KCNMB2: variants seen among roughly 807,000 people sequenced by gnomAD.
KCNMB2 encodes the protein potassium calcium-activated channel subfamily M regulatory beta subunit 2, also known as calcium-activated potassium channel subunit beta-2.
KCNMB2 carries 9 observed loss-of-function variants against 24.5 expected under a neutral mutation model. That is an observed-to-expected ratio of 0.37 (90% CI 0.22 to 0.64). The LOEUF (loss-of-function observed/expected upper bound fraction) is 0.64, where lower values mean the gene tolerates loss of function less well. Among genes scored for constraint, KCNMB2 ranks in the 30% least tolerant of loss-of-function variants. The pLI, the probability that KCNMB2 is intolerant of heterozygous loss-of-function variation, is 0.63. For missense variants in KCNMB2, 226 were observed against 284.3 expected, an observed-to-expected ratio of 0.79 and a Z score of 1.47; for synonymous variants, 109 against 104.4, an observed-to-expected ratio of 1.04 and a Z score of -0.27.
chr3:178,822,601 A>G (rs553420927), intron 2 of KCNMB2, among the ~76,000 whole-genome samples: 1 of 152,260 alleles, frequency 6.6e-6, no homozygotes, highest in South Asian at 2.1e-4. Flanking sequence ...TTCTATAATC[A>G]TTTACTAATG....
chr3:178,833,656 C>A (rs947867842), intron 4 of KCNMB2, among the ~76,000 whole-genome samples: 1 of 152,114 alleles, frequency 6.6e-6, no homozygotes, highest in African/African-American at 2.4e-5. Flanking sequence ...ATACATCAGG[C>A]GCTACTGATA....
intron 1 of KCNMB2, chr3:178,757,225 A>T (rs1724096343): frequency 6.8e-6 from 1 of 147,240 alleles, no homozygotes; most frequent in Non-Finnish European, 1.5e-5. Context: ...TACCAGTGAA[A>T]ATTGTGGTAC....
At chr3:178,582,484 A>C (rs1259935572) in intron 1 of KCNMB2, among the ~76,000 whole-genome samples, 3 of 152,210 alleles carry the variant, frequency 2.0e-5, no homozygotes, top group Non-Finnish European at 4.4e-5. Context: ...CATTCTGCAA[A>C]TGTATCCCAG....
intron 2 of KCNMB2, among the ~76,000 whole-genome samples, chr3:178,818,694 A>T (rs966588138): frequency 3.3e-5 from 5 of 152,168 alleles, no homozygotes; most frequent in Admixed American, 1.3e-4. Flanking sequence ...CTCCATATGT[A>T]AACATTTCTA....
intron 1 of KCNMB2, among the ~76,000 whole-genome samples, chr3:178,554,606 A>C (rs1156372498): frequency 6.6e-6 from 1 of 152,142 alleles, no homozygotes; most frequent in Admixed American, 6.5e-5. Context: ...TCTTTTTAAC[A>C]ATCAATTCTC....
At chr3:178,650,838 G>A (rs986711874) in intron 1 of KCNMB2, among the ~76,000 whole-genome samples, 16 of 152,042 alleles carry the variant, frequency 1.1e-4, no homozygotes, top group African/African-American at 3.6e-4. Flanking sequence ...ATGCAGAAAA[G>A]GCCTTTGATA....
chr3:178,839,868 G>A (rs1715365007), intron 4 of KCNMB2, among the ~76,000 whole-genome samples: 6 of 152,114 alleles, frequency 3.9e-5, no homozygotes, highest in Admixed American at 3.9e-4. Flanking sequence ...ATATCATTCT[G>A]CCCCGGCTCT....
intron 1 of KCNMB2, among the ~76,000 whole-genome samples, chr3:178,760,641 G>T (rs1331193806): frequency 6.6e-6 from 1 of 150,662 alleles, no homozygotes; most frequent in Non-Finnish European, 1.5e-5. Context: ...TCTTTTACAA[G>T]AAGGAAATAA....
chr3:178,781,311 G>C (rs1390173992), intron 1 of KCNMB2, among the ~76,000 whole-genome samples: 1 of 152,152 alleles, frequency 6.6e-6, no homozygotes, highest in South Asian at 2.1e-4. Flanking sequence ...AAGAATATAT[G>C]ACGGGCACGG....
intron 1 of KCNMB2, among the ~76,000 whole-genome samples, chr3:178,629,263 G>GGATTTGTTT (rs1327077366): frequency 1.3e-5 from 2 of 152,008 alleles, no homozygotes; most frequent in African/African-American, 4.8e-5. Context: ...CTACTCATCT[G>GGATTTGTTT]GATTTGTTTG....
chr3:178,797,101 C>T lies in KCNMB2; in HGVS notation c.-67-10242C>T, dbSNP rs374887301. ...TTCAAAGGATCATTAGAGACTACTA[C>T]GAGCAACTATATGGCAATAAATTGG... On this transcript the variant is annotated intron_variant, in intron 1 of 4. Transcript: ENST00000452583. Among the ~76,000 whole-genome samples, 53 of 152,112 alleles carry T rather than the reference C, an allele frequency of 3.5e-4. 1 individual carries two copies. The South Asian group carries it at 0.011, about 30-fold the overall frequency.
At chr3:178,713,629 C>T (rs1354381462) in intron 1 of KCNMB2, among the ~76,000 whole-genome samples, 3 of 152,158 alleles carry the variant, frequency 2.0e-5, no homozygotes, top group Non-Finnish European at 4.4e-5. Flanking sequence ...CTCCACTCTT[C>T]ACCCCACCCC....
intron 1 of KCNMB2, among the ~76,000 whole-genome samples, chr3:178,635,420 C>G (rs931956525): frequency 1.3e-5 from 2 of 151,772 alleles, no homozygotes; most frequent in Non-Finnish European, 2.9e-5. Context: ...CACACACACA[C>G]ACACACACAC....
At chr3:178,578,443 A>T (rs749246237) in intron 1 of KCNMB2, among the ~76,000 whole-genome samples, 1 of 152,248 alleles carries the variant, frequency 6.6e-6, no homozygotes, top group Non-Finnish European at 1.5e-5. Flanking sequence ...TGTAAAGACC[A>T]TTGACACTAT....
intron 1 of KCNMB2, among the ~76,000 whole-genome samples, chr3:178,732,004 C>T (rs1372311350): frequency 6.6e-6 from 1 of 152,118 alleles, no homozygotes; most frequent in Non-Finnish European, 1.5e-5. Context: ...AGAAGAACCA[C>T]CAGCAAAATC....
rs535834953 is a variant in KCNMB2 at position 178,655,460 on chromosome 3, G to C, written c.-68+118749G>C. ...AAACATCACAGCTGTAGCCCAGATG[G>C]AGTGCTGAGAAATGAAAAGAGAAAG... On this transcript the variant is annotated intron_variant, in intron 1 of 4. Coordinates refer to ENST00000452583, the MANE Select transcript of KCNMB2 (RefSeq NM_181361.3). 2.0e-5 allele frequency among the ~76,000 whole-genome samples: 3 copies of C among 152,240 alleles called. No homozygotes were observed. The South Asian group carries it at 6.2e-4, about 32-fold the overall frequency.
At chr3:178,577,810 T>C (rs1348578147) in intron 1 of KCNMB2, among the ~76,000 whole-genome samples, 3 of 152,010 alleles carry the variant, frequency 2.0e-5, no homozygotes, top group Non-Finnish European at 4.4e-5. Context: ...AAATAAAGTA[T>C]GAAGACAAGA....
At chr3:178,742,684 CA>C (rs1391978801) in intron 1 of KCNMB2, among the ~76,000 whole-genome samples, 2 of 152,036 alleles carry the variant, frequency 1.3e-5, no homozygotes, top group South Asian at 4.1e-4. Flanking sequence ...GACCCCTTGT[CA>C]AAAAAATTCC....
intron 1 of KCNMB2, among the ~76,000 whole-genome samples, chr3:178,788,373 A>C (rs2108438145): frequency 6.6e-6 from 1 of 152,344 alleles, no homozygotes; most frequent in Non-Finnish European, 1.5e-5. Flanking sequence ...CCATGTAAAA[A>C]TGTGTTTTCC....
Sources: allele counts gnomAD v4.1 joint callset (sites outside exome capture counted in the v4.1 genomes callset), GRCh38; gene constraint gnomAD v4.1.1; transcripts MANE v1.5; gene names NCBI Gene and HGNC (gene_info 2026-07-23, HGNC 2026-07-21).